The following ASPRV1 variants were observed in gnomAD, a reference collection of about 807,000 sequenced individuals.
The protein encoded by ASPRV1 is aspartic peptidase retroviral like 1.
Under a neutral mutation model 11.0 loss-of-function variants are expected in ASPRV1, and 7 were observed. The ratio of observed to expected loss-of-function variants is 0.64; its 90% CI spans 0.36 to 1.20. The LOEUF (loss-of-function observed/expected upper bound fraction) is 1.20, where lower values mean the gene tolerates loss of function less well. Among genes scored for constraint, ASPRV1 ranks in the 50% most tolerant of loss-of-function variants. The pLI, the probability that ASPRV1 is intolerant of heterozygous loss-of-function variation, is 0.02. For missense variants in ASPRV1, 299 were observed against 320.0 expected (o/e 0.93, Z 0.50); for synonymous variants, 136 against 138.4 (o/e 0.98, Z 0.12).
the ASPRV1 span, among the ~76,000 whole-genome samples, chr2:70,079,912 C>T: frequency 6.7e-6 from 1 of 149,292 alleles, no homozygotes; most frequent in African/African-American, 2.6e-5. Context: ...AATCGGGACA[C>T]AACAAATATT....
chr2:70,065,839 AAAAAAG>A, the ASPRV1 span, among the ~76,000 whole-genome samples: 1 of 146,942 alleles, frequency 6.8e-6, no homozygotes, highest in Non-Finnish European at 1.5e-5. Flanking sequence ...AAAAAAAAAA[AAAAAAG>A]AAAGAAAAAG....
At chr2:69,950,725 C>T in the ASPRV1 span, among the ~76,000 whole-genome samples, 1 of 151,970 alleles carries the variant, frequency 6.6e-6, no homozygotes, top group Non-Finnish European at 1.5e-5. Context: ...CGCCTGTAGT[C>T]CCAGCTATTC....
At chr2:69,998,878 C>G in the ASPRV1 span, among the ~76,000 whole-genome samples, 2 of 152,124 alleles carry the variant, frequency 1.3e-5, no homozygotes, top group East Asian at 3.8e-4. Context: ...GCATGACTGA[C>G]AGGAAACCCC....
the ASPRV1 span, among the ~76,000 whole-genome samples, chr2:70,005,419 T>C: frequency 6.6e-6 from 1 of 152,202 alleles, no homozygotes; most frequent in African/African-American, 2.4e-5. Flanking sequence ...TTTATCTAAT[T>C]CTGTTGTCTT....
At chr2:70,077,833 C>T in the ASPRV1 span, among the ~76,000 whole-genome samples, 5 of 151,412 alleles carry the variant, frequency 3.3e-5, no homozygotes, top group African/African-American at 4.9e-5. Context: ...CCAGCCTGGA[C>T]AACAAGAGCG....
chr2:69,970,814 A>T, the ASPRV1 span: 1 of 152,208 alleles, frequency 6.6e-6, no homozygotes, highest in South Asian at 2.1e-4. Context: ...TTCTGCCTCG[A>T]TGGCTTTGAA....
At chr2:69,988,910 C>T in the ASPRV1 span, 5 of 411,748 alleles carry the variant, frequency 1.2e-5, no homozygotes, top group Admixed American at 8.1e-5. Flanking sequence ...GTACCCAGAA[C>T]GGCTCTCCTG....
At chr2:70,009,582 G>A in the ASPRV1 span, among the ~76,000 whole-genome samples, 22 of 152,148 alleles carry the variant, frequency 1.4e-4, no homozygotes, top group African/African-American at 4.8e-4. Flanking sequence ...CACCCGCCTC[G>A]GCCTCCCAAA....
chr2:70,070,853 A>G, the ASPRV1 span: 1 of 152,626 alleles, frequency 6.6e-6, no homozygotes, highest in Admixed American at 6.6e-5. Context: ...CAAAGCCAGG[A>G]AAGACAAACT....
chr2:69,981,190 G>C, the ASPRV1 span, among the ~76,000 whole-genome samples: 1 of 152,162 alleles, frequency 6.6e-6, no homozygotes, highest in Non-Finnish European at 1.5e-5. Flanking sequence ...TCCTTTACTT[G>C]CAAGGATATT....
the ASPRV1 span, among the ~76,000 whole-genome samples, chr2:69,949,765 A>ATTCT: frequency 2.4e-3 from 366 of 152,026 alleles, 4 homozygotes; most frequent in African/African-American, 7.5e-3. Flanking sequence ...AACTATTTTC[A>ATTCT]TTCTGTTCAT....
At chr2:70,085,675 G>A in the ASPRV1 span, 2 of 152,298 alleles carry the variant, frequency 1.3e-5, no homozygotes, top group Middle Eastern at 3.4e-3. Flanking sequence ...TACCTCAGAG[G>A]ACCATGGTAA....
chr2:70,001,740 G>A, the ASPRV1 span, among the ~76,000 whole-genome samples: 6 of 152,048 alleles, frequency 3.9e-5, no homozygotes, highest in Admixed American at 1.3e-4. Context: ...AGCCTGAGCA[G>A]CAAGAGCGAA....
chr2:70,019,200 A>T, the ASPRV1 span: 1 of 152,248 alleles, frequency 6.6e-6, no homozygotes, highest in Non-Finnish European at 1.5e-5. Flanking sequence ...AATGCAATTC[A>T]AAACAATGAC....
At chr2:70,006,543 G>A in the ASPRV1 span, among the ~76,000 whole-genome samples, 2 of 152,068 alleles carry the variant, frequency 1.3e-5, no homozygotes, top group African/African-American at 2.4e-5. Context: ...CCTTGGCCTC[G>A]GTTAGAGGGC....
chr2:69,974,928 C>A, the ASPRV1 span, among the ~76,000 whole-genome samples: 136 of 152,372 alleles, frequency 8.9e-4, no homozygotes, highest in African/African-American at 3.2e-3. Context: ...CATGTTCACA[C>A]TCCTGTTACA....
At chr2:69,973,770 C>T in the ASPRV1 span, among the ~76,000 whole-genome samples, 1 of 152,176 alleles carries the variant, frequency 6.6e-6, no homozygotes, top group African/African-American at 2.4e-5. Flanking sequence ...TGGCCATTGG[C>T]AAAACATACA....
chr2:69,983,043 C>T, the ASPRV1 span, among the ~76,000 whole-genome samples: 985 of 152,214 alleles, frequency 6.5e-3, 6 homozygotes, highest in Middle Eastern at 0.017. Context: ...TCCAGCCTCC[C>T]GAGTAGCTGG....
the ASPRV1 span, among the ~76,000 whole-genome samples, chr2:70,004,943 G>A: frequency 6.6e-6 from 1 of 152,160 alleles, no homozygotes; most frequent in Admixed American, 6.5e-5. Context: ...AATAGTGCCT[G>A]GCTCACGGTA....
Sources: gnomAD v4.1 joint callset for allele counts (sites outside exome capture counted in the v4.1 genomes callset) on GRCh38, gnomAD v4.1.1 for gene constraint, MANE v1.5 for transcripts, NCBI Gene and HGNC (gene_info 2026-07-23, HGNC 2026-07-21) for gene names.